ADGRV1: variants seen among roughly 807,000 people sequenced by gnomAD.
ADGRV1 encodes adhesion G protein-coupled receptor V1, also known as G-protein coupled receptor 98.
A neutral mutation model predicts 596.2 loss-of-function variants in ADGRV1; 359 were observed. The observed-to-expected ratio is 0.60, with a 90% CI of 0.55 to 0.66. The LOEUF (loss-of-function observed/expected upper bound fraction) is 0.66, where lower values mean the gene tolerates loss of function less well. Ranked by LOEUF, ADGRV1 falls within the 30% of genes least tolerant of loss-of-function variation. ADGRV1 has a pLI of 0.00. For missense variants in ADGRV1, 7,274 were observed against 7,575.6 expected (o/e 0.96, Z 1.48); for synonymous variants, 2,681 against 2,679.2 (o/e 1.00, Z -0.02).
intron 83 of ADGRV1, among the ~76,000 whole-genome samples, chr5:90,910,553 ATCTATCTATCT>A (rs1772779678): frequency 9.0e-5 from 1 of 11,144 alleles, no homozygotes; most frequent in Non-Finnish European, 3.4e-4. Context: ...TATATATATT[ATCTATCTATCT>A]ATCTATCTAT....
Position 90,647,653 on chromosome 5 carries a change from A to T in ADGRV1, c.3178A>T (p.Thr1060Ser), listed in dbSNP as rs775734627. The change falls in exon 17 of 90, where the codon ACG becomes TCG. Residue 1060 changes from threonine to serine, a missense_variant. Thr to Ser is a moderately conservative substitution (Grantham distance 58). Transcript: ENST00000405460. ...TTTCATTCCTGTTGAAAAAGGAGAA[A>T]CGCTCATTTTTGAGGTTGGAAGTAG... Reference protein sequence around the residue: ...RDFIPVEKGETLIFEVGSRQQ... With the variant: ...RDFIPVEKGESLIFEVGSRQQ... The T allele has an allele frequency of 4.3e-6, 7 of 1,613,772 alleles. No homozygotes were observed. Among genetic ancestry groups the T allele is most frequent in the Non-Finnish European group, 5.9e-6 (7 of 1,179,854 alleles).
chr5:90,840,147 G>A (rs1217358366), intron 77 of ADGRV1, among the ~76,000 whole-genome samples: 2 of 152,032 alleles, frequency 1.3e-5, no homozygotes, highest in East Asian at 3.9e-4. Context: ...TTCTACTTCT[G>A]CTTTCCTCCC....
chr5:90,781,399 T>G, intron 64 of ADGRV1, 31 bp from the exon 65 acceptor site: 6 of 1,507,802 alleles, frequency 4.0e-6, no homozygotes, highest in Non-Finnish European at 5.5e-6. Flanking sequence ...TGTTGTATTT[T>G]ATTTTATTTT....
intron 1 of ADGRV1, among the ~76,000 whole-genome samples, chr5:90,570,910 C>CT (rs1226880014): frequency 1.3e-5 from 2 of 152,066 alleles, no homozygotes; most frequent in Admixed American, 6.6e-5. Context: ...TCTAGTAAGT[C>CT]TAACATCTGG....
chr5:90,573,689 G>A (rs34007784), intron 1 of ADGRV1, among the ~76,000 whole-genome samples: 8,044 of 152,106 alleles, frequency 0.053, 212 homozygotes, highest in Non-Finnish European at 0.066. Flanking sequence ...ATAAATTATT[G>A]TTTTCTTCTG....
intron 28 of ADGRV1, among the ~76,000 whole-genome samples, chr5:90,685,522 T>C (rs1417904144): frequency 6.6e-6 from 1 of 151,608 alleles, no homozygotes; most frequent in Non-Finnish European, 1.5e-5. Flanking sequence ...GAAGCGGAGG[T>C]TGTGGTGAGC....
chr5:91,095,267 T>A (rs891713931), intron 86 of ADGRV1, among the ~76,000 whole-genome samples: 1 of 151,972 alleles, frequency 6.6e-6, no homozygotes, highest in Non-Finnish European at 1.5e-5. Context: ...AGTGGCACAG[T>A]CAGCTCACTG....
chr5:90,683,572 T>G lies in ADGRV1; in HGVS notation c.5665-14T>G. 1 of 1,548,484 alleles carries G rather than the reference T, an allele frequency of 6.5e-7. No individual in the cohort carries two copies. Among genetic ancestry groups the G allele is most frequent in the Non-Finnish European group, 8.8e-7 (1 of 1,140,898 alleles). ...TCTCTCTTTTAATAGATTTTAATATTAAGTATTTTGTAGGTTATAAGACAT... is the reference window on the plus strand; with the variant it reads ...TCTCTCTTTTAATAGATTTTAATATGAAGTATTTTGTAGGTTATAAGACAT... On this transcript the variant is annotated splice_polypyrimidine_tract_variant and intron_variant, in intron 27 of 89. Coordinates refer to ENST00000405460, the MANE Select transcript of ADGRV1 (RefSeq NM_032119.4).
intron 85 of ADGRV1, among the ~76,000 whole-genome samples, chr5:91,045,499 T>C (rs1189112835): frequency 6.6e-6 from 1 of 152,086 alleles, no homozygotes; most frequent in African/African-American, 2.4e-5. Context: ...TCCTTTATGA[T>C]TAAAACTCTC....
At position 90,653,379 on chromosome 5, in the gene ADGRV1, T is replaced by G. The variant is rs776975421; in HGVS notation, c.3805T>G (p.Phe1269Val). Residue 1269 changes from phenylalanine (F) to valine (V), a missense_variant, in exon 20 of 90, where the codon TTC becomes GTC. Around this residue, in one of 5 missense-constraint regions of ADGRV1, gnomAD observed 1,715 missense variants for 1,708.8 expected, o/e 1.00. Transcript: ENST00000405460. ...AGATGATATGTCTTATATTACCAAC[T>G]TCACCATTTTGAGGCAGCAGGGTGT... ...SEDDMSYITN[F>V]TILRQQGVFG... 2 of 1,613,958 alleles carry G rather than the reference T, an allele frequency of 1.2e-6. No homozygotes were observed. The highest frequency in any genetic ancestry group is 1.7e-6 in the Non-Finnish European group (2 of 1,179,868).
At chr5:90,745,338 T>G in intron 51 of ADGRV1, 73 bp downstream of exon 51, 1 of 1,020,592 alleles carries the variant, frequency 9.8e-7, no homozygotes. Context: ...TTCCAAGTCA[T>G]TATTTGGTGA....
chr5:90,853,790 T>C (rs1187232138), intron 80 of ADGRV1, among the ~76,000 whole-genome samples: 2 of 152,220 alleles, frequency 1.3e-5, no homozygotes, highest in Non-Finnish European at 2.9e-5. Flanking sequence ...TTAACTAATA[T>C]ACTATTACGT....
intron 85 of ADGRV1, among the ~76,000 whole-genome samples, chr5:91,068,260 T>C (rs917618640): frequency 8.0e-5 from 12 of 150,774 alleles, no homozygotes; most frequent in African/African-American, 2.9e-4. Flanking sequence ...ATCAAGACCA[T>C]CCTGGCTAAC....
At chr5:90,887,081 A>G (rs1770373463) in intron 83 of ADGRV1, among the ~76,000 whole-genome samples, 1 of 152,128 alleles carries the variant, frequency 6.6e-6, no homozygotes, top group Non-Finnish European at 1.5e-5. Flanking sequence ...ACCCTTTTAC[A>G]GCTTTCCACT....
chr5:90,771,842 TC>T (rs1757723850), intron 59 of ADGRV1, among the ~76,000 whole-genome samples: 1 of 152,210 alleles, frequency 6.6e-6, no homozygotes, highest in African/African-American at 2.4e-5. Context: ...GTAGGCTCTT[TC>T]TATGCAGGAT....
chr5:91,011,925 C>T (rs191665797), intron 85 of ADGRV1, among the ~76,000 whole-genome samples: 1 of 152,026 alleles, frequency 6.6e-6, no homozygotes, highest in African/African-American at 2.4e-5. Flanking sequence ...ACTGAAAATT[C>T]CCCCAGGTAT....
At chr5:90,784,080 TTTAA>T (rs1211232746) in intron 67 of ADGRV1, 23 bp downstream of exon 67, 2 of 1,504,112 alleles carry the variant, frequency 1.3e-6, no homozygotes, top group Admixed American at 1.9e-5. Context: ...TCCCCATGAC[TTTAA>T]ATATAATTTT....
chr5:91,078,561 T>G (rs949284619), intron 86 of ADGRV1, among the ~76,000 whole-genome samples: 1 of 152,204 alleles, frequency 6.6e-6, no homozygotes, highest in Non-Finnish European at 1.5e-5. Context: ...GGGCCTAGAC[T>G]TTAAGATGAA....
At chr5:90,854,965 A>G (rs1409353523) in intron 81 of ADGRV1, among the ~76,000 whole-genome samples, 2 of 152,210 alleles carry the variant, frequency 1.3e-5, no homozygotes, top group Non-Finnish European at 2.9e-5. Flanking sequence ...TTTAAAACAA[A>G]TCTTAAACCT....
Sources: allele counts gnomAD v4.1 joint callset (sites outside exome capture counted in the v4.1 genomes callset), GRCh38; gene constraint gnomAD v4.1.1; regional missense constraint gnomAD v4.1.1; transcripts MANE v1.5; gene names NCBI Gene and HGNC (gene_info 2026-07-23, HGNC 2026-07-21).